PLCB1: variants seen among roughly 807,000 people sequenced by gnomAD.
PLCB1 encodes the protein phospholipase C beta 1, also known as 1-phosphatidylinositol 4,5-bisphosphate phosphodiesterase beta-1.
A neutral mutation model predicts 161.8 loss-of-function variants in PLCB1; 46 were observed. That is an observed-to-expected ratio of 0.28 (90% CI 0.22 to 0.36). The LOEUF is 0.36. PLCB1 is among the 10% of genes least tolerant of loss of function. The pLI, the probability that PLCB1 is intolerant of heterozygous loss-of-function variation, is 1.00. For missense variants in PLCB1, 1,016 were observed against 1,472.5 expected, an observed-to-expected ratio of 0.69 and a Z score of 5.07; for synonymous variants, 517 against 503.7, an observed-to-expected ratio of 1.03 and a Z score of -0.35.
intron 2 of PLCB1, among the ~76,000 whole-genome samples, chr20:8,351,726 A>C (rs1444028624): frequency 1.3e-5 from 2 of 152,052 alleles, no homozygotes; most frequent in African/African-American, 4.8e-5. Context: ...CATAACAAAT[A>C]CCCATATGAA....
rs562950161 is a variant in PLCB1, at chr20:8,323,519, A to G, written c.178-47863A>G. Among the ~76,000 whole-genome samples, 326 of 152,174 alleles carry G rather than the reference A, an allele frequency of 2.1e-3. 1 individual carries two copies. Among genetic ancestry groups the G allele is most frequent in the Non-Finnish European group, 3.2e-3 (219 of 67,994 alleles). ...CAGCTGGGCATTGGTGTCTATTCCT[A>G]TAAACTCTCTCCTTATGGCCTCTCC... On this transcript the variant is annotated intron_variant, in intron 2 of 31. Transcript: ENST00000338037.
At chr20:8,771,703 C>A (rs778081350) in intron 26 of PLCB1, among the ~76,000 whole-genome samples, 39 of 152,128 alleles carry the variant, frequency 2.6e-4, no homozygotes, top group Non-Finnish European at 5.3e-4. Flanking sequence ...TCCCTTAGTA[C>A]ATAGTATCTA....
At chr20:8,706,406 G>GT (rs1462225456) in intron 11 of PLCB1, among the ~76,000 whole-genome samples, 4 of 152,146 alleles carry the variant, frequency 2.6e-5, no homozygotes, top group African/African-American at 9.7e-5. Flanking sequence ...AGTGGTTTTT[G>GT]TATCAGGATG....
chr20:8,266,845 C>G lies in PLCB1; in HGVS notation c.178-104537C>G, dbSNP rs140123168. On this transcript the variant is annotated intron_variant, in intron 2 of 31. Transcript: ENST00000338037. Reference sequence around the variant, plus strand: ...CCTGAGGTCAGGAGTTCGAGTCCAGCCTGGCCAACATGGTGAAACCTTGTC... The same window carrying G: ...CCTGAGGTCAGGAGTTCGAGTCCAGGCTGGCCAACATGGTGAAACCTTGTC... 2.2e-3 allele frequency among the ~76,000 whole-genome samples: 336 copies of G among 152,238 alleles called. 1 individual carries two copies. The highest frequency in any genetic ancestry group is 7.3e-3 in the African/African-American group (304 of 41,552).
intron 2 of PLCB1, among the ~76,000 whole-genome samples, chr20:8,202,196 C>T (rs1201328652): frequency 1.3e-5 from 2 of 149,870 alleles, no homozygotes; most frequent in Non-Finnish European, 3.0e-5. Flanking sequence ...CATGCCTCAG[C>T]CTTGTGTGGT....
At position 8,266,126 on chromosome 20, in the gene PLCB1, A is replaced by G. The variant is rs544308003; in HGVS notation, c.178-105256A>G. 3.3e-5 allele frequency among the ~76,000 whole-genome samples: 5 copies of G among 152,300 alleles called. No individual in the cohort carries two copies. The East Asian group carries it at 9.7e-4, about 29-fold the overall frequency. ...ATTTTTAGTTGTGTATCGATTAACC[A>G]TTGCTACAATAATGCTATGTAACAA... On this transcript the variant is annotated intron_variant, in intron 2 of 31. Transcript: ENST00000338037.
intron 3 of PLCB1, among the ~76,000 whole-genome samples, chr20:8,506,990 ACTAAGAGC>A (rs959577461): frequency 1.3e-5 from 2 of 152,190 alleles, no homozygotes; most frequent in African/African-American, 4.8e-5. Context: ...AAACTTAATG[ACTAAGAGC>A]CTACTGTTGA....
chr20:8,646,036 C>A, intron 4 of PLCB1, 66 bp from the exon 5 acceptor site: 1 of 1,094,450 alleles, frequency 9.1e-7, no homozygotes, highest in Non-Finnish European at 1.4e-6. Context: ...GGAAGCCAAG[C>A]TAAAAGCATG....
Position 8,323,860 on chromosome 20 carries a change from CA to C in PLCB1, c.178-47508del, listed in dbSNP as rs11468221. 4.4e-3 allele frequency among the ~76,000 whole-genome samples: 576 copies of C among 131,436 alleles called. 1 individual carries two copies. The highest frequency in any genetic ancestry group is 0.018 in the Middle Eastern group (4 of 222). 86.2% of individuals were successfully genotyped at this position (131,436 alleles called of 152,430 possible). A position where few individuals can be genotyped will look rare whatever the true frequency, so the allele number is the denominator to read the frequency against. Reference sequence around the variant, plus strand: ...ACCTAATACCATGCTTAGTCATTGCCAAAAAAAAAAAAAATCTGGCTAATTT... The same window carrying C: ...ACCTAATACCATGCTTAGTCATTGCCAAAAAAAAAAAAATCTGGCTAATTT... On this transcript the variant is annotated intron_variant, in intron 2 of 31. Transcript: ENST00000338037.
rs199634903 is a variant in PLCB1 at position 8,482,092 on chromosome 20, A to ATTTTTTTTTTT, written c.246+110662_246+110672dup. ...TTCAATTTATTTTGTGCTTGAAGGA[A>ATTTTTTTTTTT]TTTTTTTTTTTTTTTTTTTTTTTTT... On this transcript the variant is annotated intron_variant, in intron 3 of 31. Coordinates refer to ENST00000338037, the MANE Select transcript of PLCB1 (RefSeq NM_015192.4). Among the ~76,000 whole-genome samples, 68 of 104,868 alleles carry ATTTTTTTTTTT rather than the reference A, an allele frequency of 6.5e-4. 8 individuals are homozygous for ATTTTTTTTTTT. The highest frequency in any genetic ancestry group is 1.7e-3 in the African/African-American group (40 of 23,638). The allele number at this position is 104,868 out of a possible 152,430, so 68.8% of individuals were successfully genotyped here. A position where few individuals can be genotyped will look rare whatever the true frequency, so the allele number is the denominator to read the frequency against.
intron 2 of PLCB1, among the ~76,000 whole-genome samples, chr20:8,268,574 G>C (rs568658119): frequency 6.6e-6 from 1 of 152,184 alleles, no homozygotes; most frequent in Non-Finnish European, 1.5e-5. Flanking sequence ...CTAATTTACA[G>C]TCCCACCAAC....
intron 3 of PLCB1, among the ~76,000 whole-genome samples, chr20:8,622,336 A>G (rs1281500858): frequency 1.3e-5 from 2 of 152,148 alleles, no homozygotes; most frequent in Admixed American, 1.3e-4. Flanking sequence ...ATGAAGATTA[A>G]TCAATATTGA....
intron 2 of PLCB1, among the ~76,000 whole-genome samples, chr20:8,195,133 T>G (rs894589565): frequency 2.0e-5 from 3 of 152,042 alleles, no homozygotes; most frequent in Non-Finnish European, 2.9e-5. Context: ...TTTTTACATC[T>G]TTTTTTGCAT....
At chr20:8,268,194 C>G (rs1399557035) in intron 2 of PLCB1, among the ~76,000 whole-genome samples, 1 of 151,964 alleles carries the variant, frequency 6.6e-6, no homozygotes, top group African/African-American at 2.4e-5. Flanking sequence ...TCAATTCCCA[C>G]CTATAAGTGA....
chr20:8,643,128 T>C (rs942859124), intron 4 of PLCB1, among the ~76,000 whole-genome samples: 6 of 152,274 alleles, frequency 3.9e-5, no homozygotes, highest in South Asian at 2.1e-4. Flanking sequence ...CTCCAACATA[T>C]AGAGTTCAAG....
At chr20:8,547,486 A>C (rs766000817) in intron 3 of PLCB1, among the ~76,000 whole-genome samples, 1 of 152,164 alleles carries the variant, frequency 6.6e-6, no homozygotes, top group Non-Finnish European at 1.5e-5. Flanking sequence ...CCACCCACCC[A>C]GTTATGCAAG....
Position 8,882,361 on chromosome 20 carries a change from A to T in PLCB1, c.*512A>T, listed in dbSNP as rs1460819408. ...TTACATTTTCATCCTTTGCTTTGCA[A>T]GCACTGGTGGCTTGCAGTTTGCTAA... On this transcript the variant is annotated 3_prime_UTR_variant, in exon 32 of 32. Coordinates refer to ENST00000338037, the MANE Select transcript of PLCB1 (RefSeq NM_015192.4). The T allele has an allele frequency of 6.2e-6, 1 of 162,066 alleles. No individual in the cohort carries two copies. The highest frequency in any genetic ancestry group is 2.4e-5 in the African/African-American group (1 of 41,504). The allele number at this position is 162,066 out of a possible 1,614,324, so 10.0% of individuals were successfully genotyped here.
intron 9 of PLCB1, among the ~76,000 whole-genome samples, chr20:8,672,114 G>A (rs1366748272): frequency 6.6e-6 from 1 of 152,146 alleles, no homozygotes; most frequent in Non-Finnish European, 1.5e-5. Context: ...AAGACTGACT[G>A]CCTGGGCTCA....
intron 2 of PLCB1, among the ~76,000 whole-genome samples, chr20:8,346,939 G>A (rs1415398077): frequency 1.3e-5 from 2 of 152,058 alleles, no homozygotes; most frequent in African/African-American, 4.8e-5. Context: ...TAGCTAGCTA[G>A]ACAGATAGAA....
Sources: gnomAD v4.1 joint callset for allele counts (sites outside exome capture counted in the v4.1 genomes callset) on GRCh38, gnomAD v4.1.1 for gene constraint, MANE v1.5 for transcripts, NCBI Gene and HGNC (gene_info 2026-07-23, HGNC 2026-07-21) for gene names.